ERICH1: variants seen among roughly 807,000 people sequenced by gnomAD.
The protein encoded by ERICH1 is glutamate rich 1.
In ERICH1, 56 loss-of-function variants were observed where a neutral mutation model predicts 39.6. That is an observed-to-expected ratio of 1.41 (90% CI 1.14 to 1.77). The LOEUF is 1.77. Among genes scored for constraint, ERICH1 ranks in the 40% most tolerant of loss-of-function variants. ERICH1 has a pLI of 0.00. For missense variants in ERICH1, 826 were observed against 575.4 expected, an observed-to-expected ratio of 1.44 and a Z score of -4.45; for synonymous variants, 313 against 223.6, an observed-to-expected ratio of 1.40 and a Z score of -3.57.
intron 3 of ERICH1, among the ~76,000 whole-genome samples, chr8:678,325 G>A (rs959984795): frequency 6.6e-6 from 1 of 152,164 alleles, no homozygotes; most frequent in Admixed American, 6.5e-5. Context: ...GATACGTCTT[G>A]TTGGTGTTAA....
chr8:652,971 G>A (rs1004638909), intron 3 of ERICH1, among the ~76,000 whole-genome samples: 1 of 152,212 alleles, frequency 6.6e-6, no homozygotes, highest in Admixed American at 6.5e-5. Flanking sequence ...AGGATGAGGA[G>A]GAATGAGCAC....
chr8:664,772 T>G (rs763933463), intron 5 of ERICH1, 96 bp from the exon 6 acceptor site: 18 of 950,674 alleles, frequency 1.9e-5, no homozygotes, highest in Non-Finnish European at 2.8e-5. Flanking sequence ...GGGCCCAAAG[T>G]GAACTCCCAA....
intron 1 of ERICH1, among the ~76,000 whole-genome samples, chr8:719,982 C>T (rs1453118171): frequency 6.6e-6 from 1 of 151,180 alleles, no homozygotes; most frequent in African/African-American, 2.4e-5. Flanking sequence ...GCAGGCTCAT[C>T]TTGTATTTTC....
chr8:642,939 T>C (rs1219043886), intron 3 of ERICH1, among the ~76,000 whole-genome samples: 1 of 152,194 alleles, frequency 6.6e-6, no homozygotes, highest in Non-Finnish European at 1.5e-5. Context: ...TGCAGCCTCC[T>C]GACTGAGTGT....
At position 673,773 on chromosome 8, in the gene ERICH1, C is replaced by T; in HGVS notation, c.579G>A (p.Glu193=). The T allele has an allele frequency of 6.2e-7, 1 of 1,614,206 alleles. No individual in the cohort carries two copies. Among genetic ancestry groups the T allele is most frequent in the Non-Finnish European group, 8.5e-7 (1 of 1,180,048 alleles). ...AAGVSFMYQP[E]DSSNEGEGVG... Reference sequence around the variant, plus strand: ...CGCCTTCCCCTTCATTGCTGCTGTCCTCGGGCTGGTACATGAAACTGACAC... The same window carrying T: ...CGCCTTCCCCTTCATTGCTGCTGTCTTCGGGCTGGTACATGAAACTGACAC... The change falls in exon 4 of 6, where the codon GAG becomes GAA. Residue 193 remains glutamate, a synonymous_variant. Transcript: ENST00000262109.
rs369462896 is a variant in ERICH1 at position 658,283 on chromosome 8, T to C, written c.976+10315A>G. On this transcript the variant is annotated intron_variant, in intron 3 of 3. Transcript: ENST00000522706. ...CCCCCAGGTGACTGGGGAGAGAGGC[T>C]GGTTCCCTGCAGGAAGAAGACTGCC... Among the ~76,000 whole-genome samples, 26 of 152,154 alleles carry C rather than the reference T, an allele frequency of 1.7e-4. No individual in the cohort carries two copies. In the East Asian group the frequency reaches 1.9e-3, roughly 11 times the overall value.
intron 2 of ERICH1, among the ~76,000 whole-genome samples, chr8:706,361 A>G (rs1275941354): frequency 2.0e-5 from 3 of 152,256 alleles, no homozygotes; most frequent in African/African-American, 7.2e-5. Context: ...AAGAAAACAA[A>G]CAAAAAAGAA....
At chr8:627,313 G>A (rs935616578) in intron 3 of ERICH1, 5 of 428,386 alleles carry the variant, frequency 1.2e-5, no homozygotes, top group Admixed American at 2.4e-5. Context: ...GCTGGCAGAC[G>A]AAGGGCTTGA....
chr8:705,876 G>A (rs1287035218), intron 2 of ERICH1, among the ~76,000 whole-genome samples: 1 of 152,170 alleles, frequency 6.6e-6, no homozygotes, highest in Non-Finnish European at 1.5e-5. Context: ...TTAAGATAAT[G>A]CGGACCCTGA....
chr8:711,892 TTGAAAAGATCATTCAC>T (rs1222758090), intron 2 of ERICH1, among the ~76,000 whole-genome samples: 1 of 152,246 alleles, frequency 6.6e-6, no homozygotes, highest in Non-Finnish European at 1.5e-5. Context: ...GCCCCATTTG[TTGAAAAGATCATTCAC>T]TGAATAGCCT....
At chr8:699,820 A>T in intron 2 of ERICH1, among the ~76,000 whole-genome samples, 1 of 59,010 alleles carries the variant, frequency 1.7e-5, no homozygotes, top group South Asian at 6.2e-4. Flanking sequence ...GATCCGCACA[A>T]GCGCACAGAC....
intron 1 of ERICH1, among the ~76,000 whole-genome samples, chr8:726,341 C>CACACAGGCGCACATGCAT (rs1232083908): frequency 7.2e-6 from 1 of 139,286 alleles, no homozygotes; most frequent in African/African-American, 2.5e-5. Flanking sequence ...AGGCACACAA[C>CACACAGGCGCACATGCAT]ACACAGGCGC....
At chr8:691,481 C>T (rs112995710) in intron 3 of ERICH1, among the ~76,000 whole-genome samples, 2,162 of 152,320 alleles carry the variant, frequency 0.014, 63 homozygotes, top group African/African-American at 0.05. Flanking sequence ...GCGCCAACCG[C>T]GGACAACAGG....
At position 673,756 on chromosome 8, in the gene ERICH1, C is replaced by T. The variant is rs1239258694; in HGVS notation, c.596G>A (p.Gly199Glu). The change falls in exon 4 of 6, where the codon GGG becomes GAG. Residue 199 changes from glycine to glutamate, a missense_variant. Gly to Glu is a moderately conservative substitution (Grantham distance 98). Transcript: ENST00000262109. ...CTCACAAGCCTCTCCCACGCCTTCC[C>T]CTTCATTGCTGCTGTCCTCGGGCTG... is the stretch of plus-strand genomic sequence containing the variant. ...MYQPEDSSNE[G>E]EGVGEACEED... 2 of 1,613,808 alleles carry T rather than the reference C, an allele frequency of 1.2e-6. No homozygotes were observed. Among genetic ancestry groups the T allele is most frequent in the Non-Finnish European group, 1.7e-6 (2 of 1,180,020 alleles).
At chr8:663,539 C>CGGG (rs3042213), downstream of ERICH1, among the ~76,000 whole-genome samples, 6 of 148,442 alleles carry the variant, frequency 4.0e-5, no homozygotes, top group African/African-American at 1.3e-4. Flanking sequence ...GCGGGACAGG[C>CGGG]AGGACAGGCG....
chr8:722,924 A>G (rs56130803), intron 1 of ERICH1, among the ~76,000 whole-genome samples: 24,710 of 152,174 alleles, frequency 0.16, 2,400 homozygotes, highest in East Asian at 0.47. Context: ...TGACTTTACA[A>G]TGTAAAGCCA....
intron 3 of ERICH1, among the ~76,000 whole-genome samples, chr8:685,444 T>C (rs2131993108): frequency 6.6e-6 from 1 of 152,302 alleles, no homozygotes; most frequent in South Asian, 2.1e-4. Context: ...CACAGGGTCC[T>C]GAGGCAACAT....
chr8:707,298 C>T (rs1164645747), intron 2 of ERICH1, among the ~76,000 whole-genome samples: 2 of 151,030 alleles, frequency 1.3e-5, no homozygotes, highest in African/African-American at 4.9e-5. Context: ...ACCTCTGCCT[C>T]CCGGGTTCAA....
chr8:675,106 G>C (rs919232045), intron 3 of ERICH1, among the ~76,000 whole-genome samples: 1 of 150,822 alleles, frequency 6.6e-6, no homozygotes, highest in Admixed American at 6.6e-5. Flanking sequence ...ACCTCAGTGA[G>C]GACAGAGACG....
Sources: gnomAD v4.1 joint callset for allele counts (sites outside exome capture counted in the v4.1 genomes callset) on GRCh38, gnomAD v4.1.1 for gene constraint, MANE v1.5 for transcripts, NCBI Gene and HGNC (gene_info 2026-07-23, HGNC 2026-07-21) for gene names.